The following ZNF804B variants were observed in gnomAD, a reference collection of about 807,000 sequenced individuals.
ZNF804B encodes zinc finger protein 804B, also known as zinc finger 804B.
In ZNF804B, 80 loss-of-function variants were observed where a neutral mutation model predicts 101.4. The ratio of observed to expected loss-of-function variants is 0.79; its 90% CI spans 0.66 to 0.95. The LOEUF is 0.95. ZNF804B is among the 40% of genes least tolerant of loss of function. The pLI, the probability that ZNF804B is intolerant of heterozygous loss-of-function variation, is 0.00. For synonymous variants in ZNF804B, 622 were observed against 558.8 expected, an observed-to-expected ratio of 1.11 and a Z score of -1.59; for missense variants, 1,673 against 1,561.9, an observed-to-expected ratio of 1.07 and a Z score of -1.20.
chr7:89,290,357 C>A (rs1424314695), intron 2 of ZNF804B, among the ~76,000 whole-genome samples: 1 of 152,112 alleles, frequency 6.6e-6, no homozygotes, highest in East Asian at 1.9e-4. Context: ...GGAACACTGT[C>A]TTGCACCTTA....
intron 1 of ZNF804B, among the ~76,000 whole-genome samples, chr7:88,845,136 T>C (rs1183107018): frequency 1.3e-5 from 2 of 152,204 alleles, no homozygotes; most frequent in Non-Finnish European, 2.9e-5. Context: ...TGGAAAAGCA[T>C]GTAGCAATAG....
intron 2 of ZNF804B, among the ~76,000 whole-genome samples, chr7:89,296,404 A>G (rs1164147171): frequency 6.6e-6 from 1 of 152,012 alleles, no homozygotes; most frequent in Non-Finnish European, 1.5e-5. Flanking sequence ...TCTAAAAACT[A>G]GGATATATGA....
chr7:89,043,446 C>T (rs1789049639), intron 1 of ZNF804B, among the ~76,000 whole-genome samples: 1 of 152,090 alleles, frequency 6.6e-6, no homozygotes, highest in Non-Finnish European at 1.5e-5. Flanking sequence ...TTACAAACAT[C>T]TAATTTTTGT....
intron 1 of ZNF804B, among the ~76,000 whole-genome samples, chr7:88,854,527 T>TTTCCTTTCCTTCCTTTCCTTCC (rs1791519535): frequency 5.0e-5 from 2 of 40,070 alleles, no homozygotes; most frequent in African/African-American, 2.1e-4. Flanking sequence ...CTTTCCTTCC[T>TTTCCTTTCCTTCCTTTCCTTCC]TTCCTTCCTT....
chr7:89,229,501 C>T (rs889002798), intron 2 of ZNF804B, among the ~76,000 whole-genome samples: 2 of 152,074 alleles, frequency 1.3e-5, no homozygotes, highest in Non-Finnish European at 2.9e-5. Context: ...AATTATGTCT[C>T]CAAGAAGACA....
intron 1 of ZNF804B, among the ~76,000 whole-genome samples, chr7:88,801,112 A>T (rs1419753332): frequency 6.6e-6 from 1 of 151,672 alleles, no homozygotes. Context: ...TACATGAGTA[A>T]GTTCTTTAGT....
At chr7:89,238,838 C>A (rs1369865780) in intron 2 of ZNF804B, among the ~76,000 whole-genome samples, 9 of 151,996 alleles carry the variant, frequency 5.9e-5, no homozygotes, top group Admixed American at 5.9e-4. Flanking sequence ...ATGAAGATGC[C>A]CTGGGTGTTG....
chr7:89,309,384 A>C (rs1790615673), intron 2 of ZNF804B, among the ~76,000 whole-genome samples: 1 of 152,180 alleles, frequency 6.6e-6, no homozygotes, highest in South Asian at 2.1e-4. Context: ...GATGTAGAGT[A>C]AAATGATCTA....
At chr7:88,793,915 C>A (rs1790425848) in intron 1 of ZNF804B, among the ~76,000 whole-genome samples, 1 of 151,950 alleles carries the variant, frequency 6.6e-6, no homozygotes, top group African/African-American at 2.4e-5. Context: ...AGTGTCAATT[C>A]ATGAAAATGA....
At chr7:89,304,423 C>A (rs914289807) in intron 2 of ZNF804B, among the ~76,000 whole-genome samples, 3 of 151,794 alleles carry the variant, frequency 2.0e-5, no homozygotes, top group African/African-American at 7.3e-5. Context: ...TTGAATGAAG[C>A]CTTCCTTGCT....
chr7:88,874,513 T>C (rs938367287), intron 1 of ZNF804B, among the ~76,000 whole-genome samples: 75 of 152,192 alleles, frequency 4.9e-4, no homozygotes, highest in African/African-American at 1.6e-3. Context: ...CTATGTTGAA[T>C]AGGAGTGGTG....
chr7:88,819,997 A>G (rs1790950518), intron 1 of ZNF804B, among the ~76,000 whole-genome samples: 1 of 152,196 alleles, frequency 6.6e-6, no homozygotes, highest in Non-Finnish European at 1.5e-5. Context: ...CAATTGGTTG[A>G]ACTTAATGTC....
intron 1 of ZNF804B, among the ~76,000 whole-genome samples, chr7:88,954,414 T>C (rs895785006): frequency 4.0e-5 from 6 of 151,762 alleles, no homozygotes; most frequent in African/African-American, 9.7e-5. Flanking sequence ...ATTGTATTCA[T>C]ATTGCTCATT....
intron 1 of ZNF804B, among the ~76,000 whole-genome samples, chr7:89,153,809 C>A (rs1480998956): frequency 1.3e-5 from 2 of 152,076 alleles, no homozygotes; most frequent in African/African-American, 2.4e-5. Flanking sequence ...AGTATATACA[C>A]CTTTCAGCTT....
At chr7:88,891,768 C>G (rs1248935452) in intron 1 of ZNF804B, among the ~76,000 whole-genome samples, 1 of 150,438 alleles carries the variant, frequency 6.6e-6, no homozygotes, top group Non-Finnish European at 1.5e-5. Flanking sequence ...ACTTTAATTT[C>G]TAGGGTACAT....
intron 1 of ZNF804B, among the ~76,000 whole-genome samples, chr7:89,193,734 C>T (rs1334859816): frequency 6.6e-6 from 1 of 152,040 alleles, no homozygotes; most frequent in African/African-American, 2.4e-5. Flanking sequence ...TGGGTTGATT[C>T]CAAGTCTTTG....
chr7:88,862,159 G>C (rs942623656), intron 1 of ZNF804B, among the ~76,000 whole-genome samples: 7 of 152,276 alleles, frequency 4.6e-5, no homozygotes, highest in African/African-American at 1.7e-4. Flanking sequence ...TAAAGGACAT[G>C]TAGTATAAAA....
chr7:88,843,579 T>C (rs1462945336), intron 1 of ZNF804B, among the ~76,000 whole-genome samples: 1 of 151,860 alleles, frequency 6.6e-6, no homozygotes, highest in Non-Finnish European at 1.5e-5. Flanking sequence ...CTACTAAAAA[T>C]ACAAAAAATT....
At chr7:89,121,808 G>A (rs1790409785) in intron 1 of ZNF804B, among the ~76,000 whole-genome samples, 1 of 151,968 alleles carries the variant, frequency 6.6e-6, no homozygotes, top group Non-Finnish European at 1.5e-5. Flanking sequence ...GAACCAGGTG[G>A]TACCACAGAG....
Sources: gnomAD v4.1 joint callset for allele counts (sites outside exome capture counted in the v4.1 genomes callset) on GRCh38, gnomAD v4.1.1 for gene constraint, MANE v1.5 for transcripts, NCBI Gene and HGNC (gene_info 2026-07-23, HGNC 2026-07-21) for gene names.